The following CEP112 variants were observed in gnomAD, a reference collection of about 807,000 sequenced individuals.
The protein encoded by CEP112 is centrosomal protein of 112 kDa.
Under a neutral mutation model 153.0 loss-of-function variants are expected in CEP112, and 127 were observed. The observed-to-expected ratio is 0.83, with a 90% CI of 0.72 to 0.96. CEP112 has a LOEUF of 0.96. CEP112 is among the 40% of genes least tolerant of loss of function. The pLI, the probability that CEP112 is intolerant of heterozygous loss-of-function variation, is 0.00. For synonymous variants in CEP112, 358 were observed against 374.4 expected, an observed-to-expected ratio of 0.96 and a Z score of 0.51; for missense variants, 1,089 against 1,101.2, an observed-to-expected ratio of 0.99 and a Z score of 0.16.
Position 65,909,576 on chromosome 17 carries a change from T to C in CEP112, c.1981-7242A>G, listed in dbSNP as rs557887309. ...GATTTTACCAACAGGAGAATAACCA[T>C]ATTCCAAGAGAAACCAATGCCTCAT... is the stretch of plus-strand genomic sequence containing the variant. On this transcript the variant is annotated intron_variant, in intron 19 of 26. Coordinates refer to ENST00000535342, the MANE Select transcript of CEP112 (RefSeq NM_001199165.4). Among the ~76,000 whole-genome samples the C allele has an allele frequency of 6.6e-5, 10 of 152,334 alleles. No individual in the cohort carries two copies. The East Asian group carries it at 1.9e-3, about 29-fold the overall frequency.
intron 17 of CEP112, among the ~76,000 whole-genome samples, chr17:65,964,114 A>G (rs2062322692): frequency 6.6e-6 from 1 of 152,226 alleles, no homozygotes; most frequent in African/African-American, 2.4e-5. Flanking sequence ...GGAAGTTTTT[A>G]AAAGCTATTC....
intron 1 of CEP112, among the ~76,000 whole-genome samples, chr17:66,187,896 ACAT>A (rs1460147635): frequency 6.6e-6 from 1 of 152,144 alleles, no homozygotes; most frequent in Non-Finnish European, 1.5e-5. Context: ...CTGCTTGATG[ACAT>A]CATCATCTAC....
At position 65,684,719 on chromosome 17, in the gene CEP112, C is replaced by T. The variant is rs985788233; in HGVS notation, c.2697+4410G>A. ...TGACAGATGGCATATATCCATTTTA[C>T]GCAGTGTTTAACGCAGTGGAAAATA... On this transcript the variant is annotated intron_variant, in intron 24 of 26. Coordinates refer to ENST00000535342, the MANE Select transcript of CEP112 (RefSeq NM_001199165.4). Among the ~76,000 whole-genome samples the T allele has an allele frequency of 8.5e-5, 13 of 152,294 alleles. No homozygotes were observed. In the South Asian group the frequency reaches 1.2e-3, roughly 15 times the overall value.
At chr17:65,940,588 A>G (rs1475490994) in intron 18 of CEP112, among the ~76,000 whole-genome samples, 4 of 152,190 alleles carry the variant, frequency 2.6e-5, no homozygotes, top group Admixed American at 6.5e-5. Flanking sequence ...CATTTGTGAT[A>G]ACATGGATAA....
intron 21 of CEP112, among the ~76,000 whole-genome samples, chr17:65,818,123 G>A (rs985563877): frequency 1.3e-5 from 2 of 151,688 alleles, no homozygotes; most frequent in Non-Finnish European, 3.0e-5. Context: ...GAACTAAACT[G>A]GTCTTGTAGC....
intron 6 of CEP112, among the ~76,000 whole-genome samples, chr17:66,116,095 C>A (rs1218332598): frequency 6.6e-6 from 1 of 152,158 alleles, no homozygotes; most frequent in Non-Finnish European, 1.5e-5. Flanking sequence ...AAATTTGACC[C>A]AGCTACAAGA....
At chr17:66,091,895 G>A (rs186288659) in intron 8 of CEP112, among the ~76,000 whole-genome samples, 6 of 152,178 alleles carry the variant, frequency 3.9e-5, no homozygotes, top group Non-Finnish European at 7.4e-5. Flanking sequence ...ACTACTATGA[G>A]TAATTATACG....
At position 65,961,460 on chromosome 17, in the gene CEP112, T is replaced by A; in HGVS notation, c.1872+3A>T. 1.2e-6 allele frequency: 2 copies of A among 1,600,774 alleles called. No individual in the cohort carries two copies. The highest frequency in any genetic ancestry group is 1.7e-6 in the Non-Finnish European group (2 of 1,169,722). ...AAAAGGGATGGTGTGGCAGCCTCCTTACCTGCTCTTTCATTTCAGCATAGA... is the reference window on the plus strand; with the variant it reads ...AAAAGGGATGGTGTGGCAGCCTCCTAACCTGCTCTTTCATTTCAGCATAGA... On this transcript the variant is annotated splice_donor_region_variant and intron_variant, in intron 18 of 26. Coordinates refer to ENST00000535342, the MANE Select transcript of CEP112 (RefSeq NM_001199165.4).
At chr17:65,914,218 T>C (rs1003000933) in intron 19 of CEP112, among the ~76,000 whole-genome samples, 1 of 150,998 alleles carries the variant, frequency 6.6e-6, no homozygotes, top group Non-Finnish European at 1.5e-5. Flanking sequence ...TTTATGTGTT[T>C]CTCTACAACA....
chr17:65,960,218 A>G (rs2062149641), intron 18 of CEP112, among the ~76,000 whole-genome samples: 1 of 152,238 alleles, frequency 6.6e-6, no homozygotes, highest in Admixed American at 6.5e-5. Flanking sequence ...TACTATATTC[A>G]TATGATAAAA....
chr17:66,163,497 T>C (rs1038702915), intron 4 of CEP112, among the ~76,000 whole-genome samples: 1 of 151,776 alleles, frequency 6.6e-6, no homozygotes, highest in South Asian at 2.1e-4. Flanking sequence ...AATTAAAAAA[T>C]GAAAATAACT....
intron 12 of CEP112, among the ~76,000 whole-genome samples, chr17:66,035,867 C>T (rs981731878): frequency 6.6e-6 from 1 of 152,134 alleles, no homozygotes; most frequent in African/African-American, 2.4e-5. Context: ...CTTGCCACTG[C>T]AAACACCACA....
At chr17:66,027,911 C>T (rs9893237) in intron 15 of CEP112, among the ~76,000 whole-genome samples, 78,081 of 151,136 alleles carry the variant, frequency 0.52, 21,036 homozygotes, top group African/African-American at 0.59. Flanking sequence ...TTTTTGATCA[C>T]GAGAGAAAAG....
intron 4 of CEP112, among the ~76,000 whole-genome samples, chr17:66,141,562 C>A (rs78905786): frequency 1.0e-3 from 154 of 152,176 alleles, no homozygotes; most frequent in African/African-American, 3.6e-3. Context: ...CAGCAACTCC[C>A]CATTTTCCCC....
chr17:65,738,511 C>T (rs899494050), intron 23 of CEP112, among the ~76,000 whole-genome samples: 9 of 152,094 alleles, frequency 5.9e-5, no homozygotes, highest in East Asian at 5.8e-4. Flanking sequence ...AAAGCCTACT[C>T]GGCTTTCTGT....
intron 8 of CEP112, among the ~76,000 whole-genome samples, chr17:66,086,125 G>A (rs2146208819): frequency 6.6e-6 from 1 of 152,014 alleles, no homozygotes; most frequent in African/African-American, 2.4e-5. Flanking sequence ...AGTTGAGAAA[G>A]GGATGATTAA....
chr17:66,072,465 G>A (rs1006178938), intron 8 of CEP112, among the ~76,000 whole-genome samples: 6 of 152,056 alleles, frequency 3.9e-5, no homozygotes, highest in East Asian at 3.9e-4. Context: ...GCCTTTCTTC[G>A]TGTTTAGTGA....
At chr17:65,878,781 C>T (rs149892301) in intron 20 of CEP112, among the ~76,000 whole-genome samples, 2 of 151,960 alleles carry the variant, frequency 1.3e-5, no homozygotes, top group Non-Finnish European at 1.5e-5. Flanking sequence ...GTTGGACCCA[C>T]CCCAACCTAC....
intron 24 of CEP112, among the ~76,000 whole-genome samples, chr17:65,644,898 A>T (rs1178431051): frequency 1.3e-5 from 2 of 152,070 alleles, no homozygotes; most frequent in East Asian, 3.9e-4. Flanking sequence ...GTCTGAGGCC[A>T]ATCTGATTTT....
Sources: gnomAD v4.1 joint callset for allele counts (sites outside exome capture counted in the v4.1 genomes callset) on GRCh38, gnomAD v4.1.1 for gene constraint, MANE v1.5 for transcripts, NCBI Gene and HGNC (gene_info 2026-07-23, HGNC 2026-07-21) for gene names.